The following ACRV1 variants were observed in gnomAD, a reference collection of about 807,000 sequenced individuals.
ACRV1 encodes the protein acrosomal vesicle protein 1.
ACRV1 carries 17 observed loss-of-function variants against 29.2 expected under a neutral mutation model. That is an observed-to-expected ratio of 0.58 (90% CI 0.40 to 0.87). The LOEUF is 0.87. Ranked by LOEUF, ACRV1 falls within the 40% of genes least tolerant of loss-of-function variation. ACRV1 has a pLI of 0.00. For missense variants in ACRV1, 294 were observed against 316.0 expected (o/e 0.93, Z 0.53); for synonymous variants, 98 against 111.6 (o/e 0.88, Z 0.77).
rs566786490 is a variant in ACRV1, at chr11:125,672,331, G to C, written c.*262C>G. The C allele has an allele frequency of 5.1e-6, 2 of 393,356 alleles. No homozygotes were observed. Among genetic ancestry groups the C allele is most frequent in the Non-Finnish European group, 9.1e-6 (2 of 219,320 alleles). The allele number at this position is 393,356 out of a possible 1,614,324, so 24.4% of individuals were successfully genotyped here. ...GGAAAAAAAGGTCTGTCTTGAGCCT[G>C]TGTGCTTTAACCATGTGAAATTTAT... On this transcript the variant is annotated 3_prime_UTR_variant, in exon 4 of 4. Coordinates refer to ENST00000533904, the MANE Select transcript of ACRV1 (RefSeq NM_001612.6).
In ACRV1 at chr11:125,678,107, G is replaced by C. The variant is rs141232180; in HGVS notation, c.243C>G (p.Ala81=). The change falls in exon 2 of 4, where the codon GCC becomes GCG. Residue 81 remains alanine, a synonymous_variant. Coordinates refer to ENST00000533904, the MANE Select transcript of ACRV1 (RefSeq NM_001612.6). ...CAGCATGTTCTCCAGAAGTGTGCTC[G>C]GCCACAGTGTGCTTGCTTGAACCAT... ...SEHGSSKHTV[A]EHTSGEHAES... 2.5e-6 allele frequency: 4 copies of C among 1,614,136 alleles called. No homozygotes were observed. In the East Asian group the frequency reaches 6.7e-5, roughly 27 times the overall value.
chr11:125,679,524 T>C (rs890649814), intron 1 of ACRV1, among the ~76,000 whole-genome samples: 3 of 152,216 alleles, frequency 2.0e-5, no homozygotes, highest in Non-Finnish European at 4.4e-5. Context: ...GGCCAATCCA[T>C]CTCATCATTG....
At chr11:125,679,076 A>G (rs766236606) in intron 1 of ACRV1, among the ~76,000 whole-genome samples, 1 of 148,388 alleles carries the variant, frequency 6.7e-6, no homozygotes, top group Non-Finnish European at 1.5e-5. Context: ...TGAGTACTTA[A>G]TAAGATAAAT....
At chr11:125,672,748 G>A (rs772014181) in intron 3 of ACRV1, 31 bp from the exon 4 acceptor site, 34 of 1,612,362 alleles carry the variant, frequency 2.1e-5, no homozygotes, top group Non-Finnish European at 2.8e-5. Flanking sequence ...CTAGTGAGCA[G>A]AAAGCTTCGT....
chr11:125,676,478 C>G lies in ACRV1; in HGVS notation c.554G>C (p.Gly185Ala). ...ACATGTGTAGCAATTTAATATTGTG[C>G]CTGAAAATTTAAGATAAGCCTGATG... The part of the protein sequence containing the change: ...SGAPISSTST[G>A]TILNCYTCAY... The change falls in exon 3 of 4, where the codon GGC (glycine) becomes GCC (alanine). Residue 185 changes from glycine (G) to alanine (A), a missense_variant and splice_region_variant. Transcript: ENST00000533904. 3.1e-6 allele frequency: 5 copies of G among 1,614,048 alleles called. No individual in the cohort carries two copies. Among genetic ancestry groups the G allele is most frequent in the Non-Finnish European group, 4.2e-6 (5 of 1,179,966 alleles).
chr11:125,678,832 C>A (rs906934590), intron 1 of ACRV1, among the ~76,000 whole-genome samples: 40 of 151,144 alleles, frequency 2.6e-4, no homozygotes, highest in African/African-American at 9.5e-4. Flanking sequence ...TATGAGCCCA[C>A]AAAAATTATC....
Position 125,672,448 on chromosome 11 carries a change from G to T in ACRV1, c.*145C>A. ...ATAAAAGCATGAATAGAAGAAGAAA[G>T]ATAGGATGTTTGAGCATCCTAATGC... On this transcript the variant is annotated 3_prime_UTR_variant, in exon 4 of 4. Transcript: ENST00000533904. 1 of 879,428 alleles carries T rather than the reference G, an allele frequency of 1.1e-6. No individual in the cohort carries two copies. The highest frequency in any genetic ancestry group is 1.7e-6 in the Non-Finnish European group (1 of 571,818). The allele number at this position is 879,428 out of a possible 1,614,324, so 54.5% of individuals were successfully genotyped here. A position where few individuals can be genotyped will look rare whatever the true frequency, so the allele number is the denominator to read the frequency against.
In ACRV1 at chr11:125,679,216, CTT is replaced by C. The variant is rs71045115; in HGVS notation, c.53-921_53-920del. On this transcript the variant is annotated intron_variant, in intron 1 of 3. Coordinates refer to ENST00000533904, the MANE Select transcript of ACRV1 (RefSeq NM_001612.6). ...TCTTCTACCTTTAATCCGTCTCTTT[CTT>C]TTTTTTTTTTTGTTTCAAAGATAGA... 8.6e-4 allele frequency among the ~76,000 whole-genome samples: 104 copies of C among 121,006 alleles called. 1 individual carries two copies. Among genetic ancestry groups the C allele is most frequent in the Non-Finnish European group, 1.3e-3 (81 of 60,756 alleles). The allele number at this position is 121,006 out of a possible 152,430, so 79.4% of individuals were successfully genotyped here. A position where few individuals can be genotyped will look rare whatever the true frequency, so the allele number is the denominator to read the frequency against.
intron 3 of ACRV1, chr11:125,675,825 T>G (rs1942478034): frequency 6.5e-6 from 1 of 153,286 alleles, no homozygotes; most frequent in Non-Finnish European, 1.5e-5. Flanking sequence ...TCTCTCTGCC[T>G]TCTCTTAGGC....
intron 3 of ACRV1, among the ~76,000 whole-genome samples, chr11:125,673,118 G>T (rs759818579): frequency 6.6e-6 from 1 of 151,904 alleles, no homozygotes; most frequent in East Asian, 1.9e-4. Flanking sequence ...AAGTCATAGA[G>T]ATCTACTCAT....
intron 1 of ACRV1, 32 bp downstream of exon 1, chr11:125,680,697 G>T: frequency 6.3e-7 from 1 of 1,598,918 alleles, no homozygotes. Flanking sequence ...GACCCCTTTT[G>T]TATTTACCTG....
At position 125,677,941 on chromosome 11, in the gene ACRV1, C is replaced by T; in HGVS notation, c.409G>A (p.Glu137Lys). ...GAAGGCTGTTCATCTGAAGGCTGTT[C>T]ACCTGACTCAAGCTCACTCAAAGGC... ...EQPLSELESG[E>K]QPSDEQPSGE... Residue 137 changes from glutamate (E) to lysine (K), a missense_variant, in exon 2 of 4, where the codon GAA (glutamate) becomes AAA (lysine). Physicochemically the swap from Glu to Lys is moderately conservative, Grantham distance 56. Coordinates refer to ENST00000533904, the MANE Select transcript of ACRV1 (RefSeq NM_001612.6). 2 of 1,612,580 alleles carry T rather than the reference C, an allele frequency of 1.2e-6. No individual in the cohort carries two copies. Among genetic ancestry groups the T allele is most frequent in the Non-Finnish European group, 8.5e-7 (1 of 1,178,796 alleles).
At chr11:125,672,785 T>C (rs1942265305) in intron 3 of ACRV1, 68 bp from the exon 4 acceptor site, 1 of 1,588,510 alleles carries the variant, frequency 6.3e-7, no homozygotes, top group African/African-American at 1.3e-5. Flanking sequence ...TTATCTGTGA[T>C]GCTCAGTGTC....
chr11:125,674,426 G>A (rs1942382780), intron 3 of ACRV1, among the ~76,000 whole-genome samples: 1 of 152,226 alleles, frequency 6.6e-6, no homozygotes, highest in Non-Finnish European at 1.5e-5. Context: ...ATAATTTCAG[G>A]CTGAAGCATA....
intron 3 of ACRV1, among the ~76,000 whole-genome samples, chr11:125,673,807 G>C (rs1466069679): frequency 6.6e-6 from 1 of 152,064 alleles, no homozygotes; most frequent in African/African-American, 2.4e-5. Flanking sequence ...CCAATTTGTT[G>C]TGAAGGTCTG....
chr11:125,672,378 TGAGA>T lies in ACRV1; in HGVS notation c.*211_*214del, dbSNP rs1020748865. The T allele has an allele frequency of 5.2e-5, 27 of 517,836 alleles. No homozygotes were observed. Among genetic ancestry groups the T allele is most frequent in the East Asian group, 9.8e-5 (3 of 30,478 alleles). 32.1% of individuals were successfully genotyped at this position (517,836 alleles called of 1,614,324 possible). A position where few individuals can be genotyped will look rare whatever the true frequency, so the allele number is the denominator to read the frequency against. ...TTATTGAAAAAAAAATCAGGAATATTGAGAGAAAGAGTTGGAGCAGGGAAGACAG... is the reference window on the plus strand; with the variant it reads ...TTATTGAAAAAAAAATCAGGAATATTGAAAGAGTTGGAGCAGGGAAGACAG... On this transcript the variant is annotated 3_prime_UTR_variant, in exon 4 of 4. Transcript: ENST00000533904.
At position 125,676,422 on chromosome 11, in the gene ACRV1, G is replaced by A. The variant is rs1942510868; in HGVS notation, c.610C>T (p.Arg204Cys). 3 of 1,613,986 alleles carry A rather than the reference G, an allele frequency of 1.9e-6. No homozygotes were observed. Among genetic ancestry groups the A allele is most frequent in the Non-Finnish European group, 8.5e-7 (1 of 1,179,956 alleles). Residue 204 changes from arginine (R) to cysteine (C), a missense_variant, in exon 3 of 4, where the codon CGT (arginine) becomes TGT (cysteine). Arg to Cys is a radical substitution (Grantham distance 180). Transcript: ENST00000533904. ...AYMNDQGKCL[R>C]GEGTCITQNS... Reference sequence around the variant, plus strand: ...TGAGTGATGCAGGTTCCCTCTCCACGAAGACATTTTCCTTGATCATTCATA... The same window carrying A: ...TGAGTGATGCAGGTTCCCTCTCCACAAAGACATTTTCCTTGATCATTCATA...
intron 3 of ACRV1, among the ~76,000 whole-genome samples, chr11:125,673,459 C>A (rs2134106136): frequency 7.1e-6 from 1 of 140,020 alleles, no homozygotes; most frequent in Admixed American, 7.2e-5. Flanking sequence ...CCTCAGCCTC[C>A]CAAAGCGCTG....
intron 2 of ACRV1, among the ~76,000 whole-genome samples, chr11:125,677,507 G>A (rs978288006): frequency 3.3e-5 from 5 of 152,166 alleles, no homozygotes; most frequent in Admixed American, 1.3e-4. Flanking sequence ...TAGGGAAGTC[G>A]GAAGGGCTGT....
Sources: gnomAD v4.1 joint callset for allele counts (sites outside exome capture counted in the v4.1 genomes callset) on GRCh38, gnomAD v4.1.1 for gene constraint, MANE v1.5 for transcripts, NCBI Gene and HGNC (gene_info 2026-07-23, HGNC 2026-07-21) for gene names.